TMPRSS3: variants seen among roughly 807,000 people sequenced by gnomAD.
The protein encoded by TMPRSS3 is transmembrane serine protease 3.
In TMPRSS3, 55 loss-of-function variants were observed where a neutral mutation model predicts 59.6. The observed-to-expected ratio is 0.92, with a 90% CI of 0.74 to 1.16. The LOEUF (loss-of-function observed/expected upper bound fraction) is 1.16. Among genes scored for constraint, TMPRSS3 ranks in the 50% most tolerant of loss-of-function variants. The pLI is 0.00. For synonymous variants in TMPRSS3, 257 were observed against 237.7 expected (o/e 1.08, Z -0.75); for missense variants, 596 against 579.4 (o/e 1.03, Z -0.29).
chr21:42,385,047 C>CTCTTCCTCCCTCCCTT (rs796448424), intron 6 of TMPRSS3, among the ~76,000 whole-genome samples: 2 of 92,088 alleles, frequency 2.2e-5, no homozygotes, highest in Non-Finnish European at 3.9e-5. Context: ...CTCCCTCCCT[C>CTCTTCCTCCCTCCCTT]CCTTCCTTCC....
In TMPRSS3 at chr21:42,380,216, C is replaced by A. The variant is rs771007562; in HGVS notation, c.953-4G>T. 1 of 1,611,574 alleles carries A rather than the reference C, an allele frequency of 6.2e-7. No homozygotes were observed. Reference sequence around the variant, plus strand: ...AGGCACACAGGCTGGATCATTTCTGCTTGAAGGGAAACAATAGTTCACAAC... The same window carrying A: ...AGGCACACAGGCTGGATCATTTCTGATTGAAGGGAAACAATAGTTCACAAC... On this transcript the variant is annotated splice_region_variant and splice_polypyrimidine_tract_variant and intron_variant, in intron 9 of 12. Transcript: ENST00000644384.
chr21:42,392,141 G>T (rs2052741884), intron 2 of TMPRSS3, among the ~76,000 whole-genome samples: 1 of 152,164 alleles, frequency 6.6e-6, no homozygotes, highest in Admixed American at 6.5e-5. Context: ...CCTAGTCTTG[G>T]ACATGTTGAG....
intron 10 of TMPRSS3, among the ~76,000 whole-genome samples, chr21:42,379,181 C>T (rs1040597518): frequency 2.0e-5 from 3 of 151,626 alleles, no homozygotes; most frequent in African/African-American, 4.8e-5. Context: ...CCACTGCACC[C>T]GGCCCAGGCT....
Position 42,382,194 on chromosome 21 carries a change from C to T in TMPRSS3, c.823G>A (p.Val275Ile). 6.2e-7 allele frequency: 1 copy of T among 1,614,204 alleles called. No homozygotes were observed. The highest frequency in any genetic ancestry group is 8.5e-7 in the Non-Finnish European group (1 of 1,180,034). Residue 275 changes from valine to isoleucine, a missense_variant, in exon 9 of 13, where the codon GTT becomes ATT. By Grantham distance (29) the Val-to-Ile change is conservative. Transcript: ENST00000644384. ...PKSWTIQVGLVSLLDNPAPSH... is the reference protein window; with the variant it reads ...PKSWTIQVGLISLLDNPAPSH... ...GGGGCTGGATTGTCCAACAGGGAAA[C>T]TAGACCCACCTGGATGGTCCATGAC...
chr21:42,388,359 C>T lies in TMPRSS3; in HGVS notation c.446+44G>A. 2 of 1,613,946 alleles carry T rather than the reference C, an allele frequency of 1.2e-6. No individual in the cohort carries two copies. The highest frequency in any genetic ancestry group is 1.7e-6 in the Non-Finnish European group (2 of 1,179,884). On this transcript the variant is annotated intron_variant, in intron 5 of 12. Coordinates refer to ENST00000644384, the MANE Select transcript of TMPRSS3 (RefSeq NM_001256317.3). This position sits in a 1 kb window ranked among gnomAD's most constrained non-coding sequence, Gnocchi z 5.1. ...GTAGTTGTCTTTCTTTATTGTTATCCTCTCTGTGTTTTGCCCATGGGTTGG... is the reference window on the plus strand; with the variant it reads ...GTAGTTGTCTTTCTTTATTGTTATCTTCTCTGTGTTTTGCCCATGGGTTGG...
intron 12 of TMPRSS3, among the ~76,000 whole-genome samples, chr21:42,375,200 C>A (rs1326082925): frequency 6.6e-6 from 1 of 151,206 alleles, no homozygotes; most frequent in Non-Finnish European, 1.5e-5. Context: ...AGGCCCCTCC[C>A]ACTTCCACGC....
At chr21:42,382,521 C>A in intron 8 of TMPRSS3, 1 of 481,832 alleles carries the variant, frequency 2.1e-6, no homozygotes, top group East Asian at 3.8e-5. Context: ...GTCTATCAGG[C>A]ACTACTGTTC....
Position 42,382,235 on chromosome 21 carries a change from C to G in TMPRSS3, c.783-1G>C. 1 of 1,614,040 alleles carries G rather than the reference C, an allele frequency of 6.2e-7. No homozygotes were observed. The highest frequency in any genetic ancestry group is 8.5e-7 in the Non-Finnish European group (1 of 1,179,982). ...GGTCCATGACTTGGGGAGGTACAAG[C>G]TGAAATGAGAAGAGCAAGAGGTGAA... is the stretch of plus-strand genomic sequence containing the variant. On this transcript the variant is annotated splice_acceptor_variant, in intron 8 of 12. Coordinates refer to ENST00000644384, the MANE Select transcript of TMPRSS3 (RefSeq NM_001256317.3). LOFTEE classifies it high-confidence loss of function.
rs117647823 is a variant in TMPRSS3 at position 42,387,493 on chromosome 21, C to T, written c.446+910G>A. On this transcript the variant is annotated intron_variant, in intron 5 of 12. Coordinates refer to ENST00000644384, the MANE Select transcript of TMPRSS3 (RefSeq NM_001256317.3). ...TTCTCATTGAACTTGAATTGCAGCT[C>T]ATTTCTGAATCTCAGTTGGTGTGGA... Among the ~76,000 whole-genome samples the T allele has an allele frequency of 6.9e-3, 1,055 of 152,120 alleles. 7 individuals carry two copies. Among genetic ancestry groups the T allele is most frequent in the Non-Finnish European group, 0.011 (743 of 68,010 alleles).
intron 10 of TMPRSS3, among the ~76,000 whole-genome samples, chr21:42,378,188 G>T (rs929079431): frequency 6.6e-6 from 1 of 152,268 alleles, no homozygotes; most frequent in Non-Finnish European, 1.5e-5. Flanking sequence ...AGAGAGCTGT[G>T]AGTGCCCTCG....
Position 42,388,903 on chromosome 21 carries a change from C to T in TMPRSS3, c.322+26G>A, listed in dbSNP as rs1343733867. 1.9e-6 allele frequency: 3 copies of T among 1,598,858 alleles called. No homozygotes were observed. Among genetic ancestry groups the T allele is most frequent in the African/African-American group, 2.7e-5 (2 of 74,712 alleles). ...TGGCTTCTGCTGCTTCCTTCTGTTT[C>T]CCCAGGGGAAGAGCCATGACCTTAC... On this transcript the variant is annotated intron_variant, in intron 4 of 12. Transcript: ENST00000644384. The surrounding 1 kb of genome is among the most constrained non-coding windows in gnomAD (Gnocchi z 5.1).
In TMPRSS3 at chr21:42,395,309, C is replaced by A. The variant is rs368370700; in HGVS notation, c.94+15G>T. The A allele has an allele frequency of 3.1e-6, 5 of 1,610,740 alleles. No homozygotes were observed. In the African/African-American group the frequency reaches 6.7e-5, roughly 22 times the overall value. Reference sequence around the variant, plus strand: ...ATGGGCAGAAATCACAGAGTCCTCACCTGGGTCCACTTACCTGGTGCAACA... The same window carrying A: ...ATGGGCAGAAATCACAGAGTCCTCAACTGGGTCCACTTACCTGGTGCAACA... On this transcript the variant is annotated intron_variant, in intron 2 of 12. Coordinates refer to ENST00000644384, the MANE Select transcript of TMPRSS3 (RefSeq NM_001256317.3).
Position 42,395,932 on chromosome 21 carries a change from C to T in TMPRSS3, c.-52+10G>A, listed in dbSNP as rs753223832. On this transcript the variant is annotated intron_variant, in intron 1 of 12. Transcript: ENST00000644384. ...CACCTACCATAAGCATAAGTAGTTT[C>T]GGTACTCACATAATTCCCGAGTCCC... The T allele has an allele frequency of 9.3e-5, 48 of 518,776 alleles. No individual in the cohort carries two copies. Among genetic ancestry groups the T allele is most frequent in the African/African-American group, 6.5e-4 (34 of 52,080 alleles). The allele number at this position is 518,776 out of a possible 1,614,324, so 32.1% of individuals were successfully genotyped here. A position where few individuals can be genotyped will look rare whatever the true frequency, so the allele number is the denominator to read the frequency against.
chr21:42,381,253 G>C (rs141378673), intron 9 of TMPRSS3, among the ~76,000 whole-genome samples: 2 of 152,144 alleles, frequency 1.3e-5, no homozygotes, highest in African/African-American at 4.8e-5. Context: ...TGGCATTTTC[G>C]TAATGTCCAG....
rs1303073325 is a variant in TMPRSS3, at chr21:42,384,002, G to T, written c.584C>A (p.Ala195Asp). The change falls in exon 7 of 13, where the codon GCC (alanine) becomes GAC (aspartate). Residue 195 changes from alanine (A) to aspartate (D), a missense_variant. Coordinates refer to ENST00000644384, the MANE Select transcript of TMPRSS3 (RefSeq NM_001256317.3). The part of the protein sequence containing the change: ...HHSVYVREGC[A>D]SGHVVTLQCT... The stretch of plus-strand genomic sequence containing the variant: ...CTGCAAGGTAACCACGTGGCCAGAG[G>T]CACATCCCTCCCTAAAGCGGAGAAA... The T allele has an allele frequency of 2.5e-6, 4 of 1,613,912 alleles. No individual in the cohort carries two copies. The highest frequency in any genetic ancestry group is 3.4e-6 in the Non-Finnish European group (4 of 1,180,004).
chr21:42,389,340 G>T (rs530521546), intron 3 of TMPRSS3, among the ~76,000 whole-genome samples: 2 of 152,222 alleles, frequency 1.3e-5, no homozygotes, highest in Non-Finnish European at 2.9e-5. Context: ...ATGGCGGGGG[G>T]CCGACCTGCT....
Position 42,383,089 on chromosome 21 carries a change from G to T in TMPRSS3, c.726C>A (p.Cys242Ter). 1 of 1,614,180 alleles carries T rather than the reference G, an allele frequency of 6.2e-7. No individual in the cohort carries two copies. ...ASLQFQGYHLCGGSVITPLWI... is the reference protein window; with the variant it reads ...ASLQFQGYHL ...ACAGGGGCGTGATGACAGAGCCCCC[G>T]CACAGGTGGTAGCCCTGGAACTGAA... Residue 242 changes from cysteine to a stop codon, truncating the protein, a stop_gained, in exon 8 of 13, where the codon TGC becomes TGA. Coordinates refer to ENST00000644384, the MANE Select transcript of TMPRSS3 (RefSeq NM_001256317.3). LOFTEE classifies it high-confidence loss of function.
intron 10 of TMPRSS3, among the ~76,000 whole-genome samples, chr21:42,377,761 T>A (rs904933534): frequency 6.6e-6 from 1 of 152,174 alleles, no homozygotes; most frequent in Admixed American, 6.5e-5. Context: ...GAGCACATGG[T>A]ATCACAAGAC....
rs2052691072 is a variant in TMPRSS3 at position 42,389,152 on chromosome 21, A to G, written c.206-107T>C. ...GCGGAGCTGGCCCGTGAATAATGAAACCTGTATTGAAATTGCGTCCCTGTC... is the reference window on the plus strand; with the variant it reads ...GCGGAGCTGGCCCGTGAATAATGAAGCCTGTATTGAAATTGCGTCCCTGTC... On this transcript the variant is annotated intron_variant, in intron 3 of 12. Transcript: ENST00000644384. 26 of 1,557,386 alleles carry G rather than the reference A, an allele frequency of 1.7e-5. 1 individual carries two copies. The South Asian group carries it at 2.9e-4, about 17-fold the overall frequency.
Sources: gnomAD v4.1 joint callset for allele counts (sites outside exome capture counted in the v4.1 genomes callset) on GRCh38, gnomAD v4.1.1 for gene constraint, Gnocchi (gnomAD v3.1) non-coding constraint, MANE v1.5 for transcripts, NCBI Gene and HGNC (gene_info 2026-07-23, HGNC 2026-07-21) for gene names.